The following RBFOX3 variants were observed in gnomAD, a reference collection of about 807,000 sequenced individuals.
RBFOX3 encodes RNA binding protein fox-1 homolog 3.
Under a neutral mutation model 48.7 loss-of-function variants are expected in RBFOX3, and 17 were observed. The ratio of observed to expected loss-of-function variants is 0.35; its 90% CI spans 0.24 to 0.52. The LOEUF is 0.52. Among genes scored for constraint, RBFOX3 ranks in the 20% least tolerant of loss-of-function variants. The pLI is 0.94. For synonymous variants in RBFOX3, 212 were observed against 209.5 expected (o/e 1.01, Z -0.10); for missense variants, 382 against 497.5 (o/e 0.77, Z 2.21).
chr17:79,163,980 T>C (rs918087618), intron 4 of RBFOX3, among the ~76,000 whole-genome samples: 2 of 152,196 alleles, frequency 1.3e-5, no homozygotes, highest in African/African-American at 4.8e-5. Context: ...CAGCACATTC[T>C]AGAATATCAG....
chr17:79,141,135 C>T (rs1273014659), intron 4 of RBFOX3, among the ~76,000 whole-genome samples: 1 of 152,238 alleles, frequency 6.6e-6, no homozygotes, highest in Non-Finnish European at 1.5e-5. Context: ...GCTGTCGATA[C>T]AGGCAGAACG....
chr17:79,120,633 G>A (rs1425718676), intron 4 of RBFOX3, among the ~76,000 whole-genome samples: 1 of 146,114 alleles, frequency 6.8e-6, no homozygotes, highest in Non-Finnish European at 1.5e-5. Context: ...AAGGGTGGAT[G>A]AAAAATTGGT....
chr17:79,206,954 C>T (rs888670208), intron 4 of RBFOX3, among the ~76,000 whole-genome samples: 1 of 152,214 alleles, frequency 6.6e-6, no homozygotes, highest in Non-Finnish European at 1.5e-5. Context: ...TTTCCTTTGG[C>T]TCATTTCCCA....
the RBFOX3 span, among the ~76,000 whole-genome samples, chr17:79,630,219 G>T: frequency 1.3e-5 from 2 of 152,168 alleles, no homozygotes; most frequent in Non-Finnish European, 2.9e-5. Flanking sequence ...CGAGAACCCC[G>T]CAGAGTCTCA....
intron 2 of RBFOX3, among the ~76,000 whole-genome samples, chr17:79,422,644 C>T (rs782661735): frequency 2.6e-5 from 4 of 152,248 alleles, no homozygotes; most frequent in Admixed American, 1.3e-4. Flanking sequence ...GTCGTCACCC[C>T]GGCAGTGCTC....
intron 3 of RBFOX3, among the ~76,000 whole-genome samples, chr17:79,288,245 G>A (rs1397660638): frequency 6.6e-6 from 1 of 152,140 alleles, no homozygotes; most frequent in Non-Finnish European, 1.5e-5. Context: ...ACCAGGACAG[G>A]GCTTCTTTGG....
rs553951383 is a variant in RBFOX3 at position 79,355,212 on chromosome 17, CCCTAAGAAGA to C, written c.-174-47398_-174-47389del. Among the ~76,000 whole-genome samples the C allele has an allele frequency of 1.2e-3, 179 of 152,318 alleles. 2 individuals are homozygous for C. The highest frequency in any genetic ancestry group is 1.3e-3 in the Non-Finnish European group (90 of 68,038). ...GGGGTCCCTGTTCAGAGCTGACTCT[CCCTAAGAAGA>C]AAGTTCTTCCGAGGAAAGGCATCAA... On this transcript the variant is annotated intron_variant, in intron 2 of 14. Coordinates refer to ENST00000693108, the MANE Select transcript of RBFOX3 (RefSeq NM_001350451.2).
rs929524594 is a variant in RBFOX3 at position 79,121,340 on chromosome 17, C to T, written c.-33-5592G>A. 1.8e-4 allele frequency among the ~76,000 whole-genome samples: 28 copies of T among 152,150 alleles called. 1 individual carries two copies. Among genetic ancestry groups the T allele is most frequent in the African/African-American group, 6.5e-4 (27 of 41,430 alleles). On this transcript the variant is annotated intron_variant, in intron 4 of 14. Coordinates refer to ENST00000693108, the MANE Select transcript of RBFOX3 (RefSeq NM_001350451.2). ...GCACCCTGACAGGCTGCAGTCTCTC[C>T]CGTGACAGGGAAAGAAAACCCTCCT...
chr17:79,611,731 C>A (rs975374099), upstream of RBFOX3, among the ~76,000 whole-genome samples: 10 of 152,302 alleles, frequency 6.6e-5, 1 homozygote, highest in Admixed American at 3.9e-4. Context: ...TACCCCAAAC[C>A]CCCTCACTAG....
intron 2 of RBFOX3, among the ~76,000 whole-genome samples, chr17:79,454,592 G>A (rs2074156363): frequency 6.6e-6 from 1 of 152,214 alleles, no homozygotes; most frequent in African/African-American, 2.4e-5. Flanking sequence ...AGTCAAGAAA[G>A]TCCAAGGAAG....
chr17:79,293,228 A>G (rs530873964), intron 3 of RBFOX3, among the ~76,000 whole-genome samples: 3 of 152,288 alleles, frequency 2.0e-5, no homozygotes, highest in African/African-American at 7.2e-5. Context: ...GGGTAAAGTG[A>G]CCTGCTCAAG....
chr17:79,532,602 G>T (rs1408916937), intron 1 of RBFOX3, among the ~76,000 whole-genome samples: 1 of 152,220 alleles, frequency 6.6e-6, no homozygotes, highest in African/African-American at 2.4e-5. Context: ...TCCAGGCTAG[G>T]AGCCACTGAG....
At chr17:79,128,601 G>A (rs938072580) in intron 4 of RBFOX3, among the ~76,000 whole-genome samples, 10 of 152,226 alleles carry the variant, frequency 6.6e-5, no homozygotes, top group African/African-American at 1.2e-4. Context: ...TGGACTGGGA[G>A]AGTGAGCATC....
At chr17:79,339,940 G>T (rs1225387616) in intron 2 of RBFOX3, among the ~76,000 whole-genome samples, 1 of 152,216 alleles carries the variant, frequency 6.6e-6, no homozygotes, top group African/African-American at 2.4e-5. Flanking sequence ...CAGAGAAGCA[G>T]AGTCCTGCTG....
chr17:79,595,706 G>A (rs1260640228), intron 1 of RBFOX3, among the ~76,000 whole-genome samples: 1 of 152,174 alleles, frequency 6.6e-6, no homozygotes, highest in Non-Finnish European at 1.5e-5. Context: ...AGTCACGAGG[G>A]GCTCCTATGC....
In RBFOX3 at chr17:79,362,353, G is replaced by A. The variant is rs1466808564; in HGVS notation, c.-174-54529C>T. Among the ~76,000 whole-genome samples the A allele has an allele frequency of 3.9e-5, 6 of 152,344 alleles. No individual in the cohort carries two copies. The highest frequency in any genetic ancestry group is 3.9e-4 in the Admixed American group (6 of 15,304). On this transcript the variant is annotated intron_variant, in intron 2 of 14. Transcript: ENST00000693108. The surrounding 1 kb of genome is among the most constrained non-coding windows in gnomAD (Gnocchi z 4.2). ...GAGATCCCCGGCCAGCGTCTGCGTA[G>A]GACGGTGGGAGAGGCTGAGTGCAGC...
chr17:79,246,655 G>A (rs530592865), intron 3 of RBFOX3, among the ~76,000 whole-genome samples: 106 of 152,344 alleles, frequency 7.0e-4, no homozygotes, highest in African/African-American at 2.5e-3. Context: ...CACAGGCACA[G>A]CCGGGATGTC....
chr17:79,420,232 A>G (rs2066086561), intron 2 of RBFOX3, among the ~76,000 whole-genome samples: 1 of 152,010 alleles, frequency 6.6e-6, no homozygotes, highest in Non-Finnish European at 1.5e-5. Flanking sequence ...AAAAAACACA[A>G]ATTGGCTGGT....
At chr17:79,129,995 C>G (rs945929246) in intron 4 of RBFOX3, among the ~76,000 whole-genome samples, 13 of 152,114 alleles carry the variant, frequency 8.5e-5, no homozygotes, top group Non-Finnish European at 1.9e-4. Context: ...AGGGCAGGGG[C>G]TGCCCTGCGG....
Sources: gnomAD v4.1 joint callset for allele counts (sites outside exome capture counted in the v4.1 genomes callset) on GRCh38, gnomAD v4.1.1 for gene constraint, Gnocchi (gnomAD v3.1) non-coding constraint, MANE v1.5 for transcripts, NCBI Gene and HGNC (gene_info 2026-07-23, HGNC 2026-07-21) for gene names.